THOC2: variants seen among roughly 807,000 people sequenced by gnomAD.
THOC2 encodes THO complex 2.
In THOC2, 10 loss-of-function variants were observed where a neutral mutation model predicts 128.4. The ratio of observed to expected loss-of-function variants is 0.08; its 90% CI spans 0.05 to 0.13. The LOEUF is 0.13. Ranked by LOEUF, THOC2 falls within the 10% of genes least tolerant of loss-of-function variation. THOC2 has a pLI of 1.00. For synonymous variants in THOC2, 393 were observed against 396.9 expected, an observed-to-expected ratio of 0.99 and a Z score of 0.12; for missense variants, 535 against 1,155.7, an observed-to-expected ratio of 0.46 and a Z score of 7.79.
Position 123,705,918 on chromosome X carries a change from G to A in THOC2, c.222+940C>T, listed in dbSNP as rs189279856. Among the ~76,000 whole-genome samples the A allele has an allele frequency of 4.8e-3, 527 of 110,898 alleles. 4 individuals carry two copies. Among genetic ancestry groups the A allele is most frequent in the African/African-American group, 0.016 (479 of 30,623 alleles). On this transcript the variant is annotated intron_variant, in intron 3 of 38. Transcript: ENST00000245838. Reference sequence around the variant, plus strand: ...ATGTATATATACACATATATACACAGACACAAGATAATTTTATTTATATAC... The same window carrying A: ...ATGTATATATACACATATATACACAAACACAAGATAATTTTATTTATATAC...
At chrX:123,640,883 C>T (rs956191382) in intron 15 of THOC2, among the ~76,000 whole-genome samples, 7 of 111,544 alleles carry the variant, frequency 6.3e-5, no homozygotes, top group Non-Finnish European at 1.1e-4. Flanking sequence ...TAGTAATAGT[C>T]TAATAATCAG....
At chrX:123,635,772 G>A (rs1488328570) in intron 19 of THOC2, among the ~76,000 whole-genome samples, 1 of 111,579 alleles carries the variant, frequency 9.0e-6, no homozygotes, top group Non-Finnish European at 1.9e-5. Flanking sequence ...TTTGTTATAC[G>A]AAGATATACA....
At chrX:123,724,799 G>T (rs1254040202) in intron 1 of THOC2, among the ~76,000 whole-genome samples, 1 of 112,103 alleles carries the variant, frequency 8.9e-6, no homozygotes, top group Non-Finnish European at 1.9e-5. Flanking sequence ...CAGCACTTTG[G>T]GAGGCCAAGG....
intron 4 of THOC2, 59 bp from the exon 5 acceptor site, chrX:123,697,810 G>T: frequency 2.0e-6 from 1 of 493,998 alleles, no homozygotes; most frequent in Non-Finnish European, 3.3e-6. Context: ...CAGCACTAAA[G>T]TAAGATACTT....
At chrX:123,711,647 G>A (rs766478226) in intron 2 of THOC2, among the ~76,000 whole-genome samples, 1 of 110,650 alleles carries the variant, frequency 9.0e-6, no homozygotes, top group East Asian at 2.9e-4. Context: ...GCCAGGCATG[G>A]TGTCACATGC....
chrX:123,645,590 G>A (rs1458454086), intron 12 of THOC2, among the ~76,000 whole-genome samples: 1 of 112,321 alleles, frequency 8.9e-6, no homozygotes, highest in East Asian at 2.8e-4. Flanking sequence ...AATTTTAAGT[G>A]TCAATTTTTA....
At chrX:123,646,346 AACAG>A (rs1238793641) in intron 12 of THOC2, among the ~76,000 whole-genome samples, 2 of 112,424 alleles carry the variant, frequency 1.8e-5, no homozygotes, top group African/African-American at 6.5e-5. Context: ...TGTGAATATA[AACAG>A]ACAGAGGGCT....
intron 7 of THOC2, among the ~76,000 whole-genome samples, chrX:123,695,008 C>T (rs1356402033): frequency 3.6e-5 from 4 of 112,114 alleles, no homozygotes; most frequent in African/African-American, 1.3e-4. Context: ...AAGCTACTTA[C>T]TTGTTGGTAA....
chrX:123,659,040 T>C (rs2048720699), intron 12 of THOC2, among the ~76,000 whole-genome samples: 1 of 112,315 alleles, frequency 8.9e-6, no homozygotes, highest in South Asian at 3.7e-4. Context: ...GGTGAGCATG[T>C]TAGTGCTCTA....
intron 1 of THOC2, among the ~76,000 whole-genome samples, chrX:123,714,595 AAGACTTGAATAATACTAC>A (rs2051328123): frequency 8.9e-6 from 1 of 111,835 alleles, no homozygotes; most frequent in Admixed American, 9.6e-5. Context: ...AAGGAAACAG[AAGACTTGAATAATACTAC>A]AGACCAAATG....
At chrX:123,700,136 A>G (rs1298082352) in intron 4 of THOC2, among the ~76,000 whole-genome samples, 1 of 110,281 alleles carries the variant, frequency 9.1e-6, no homozygotes, top group Non-Finnish European at 1.9e-5. Flanking sequence ...CCCCATCAGC[A>G]TATCAACTTA....
chrX:123,642,356 C>T (rs1481909727), intron 15 of THOC2, among the ~76,000 whole-genome samples: 9 of 105,795 alleles, frequency 8.5e-5, no homozygotes, highest in Non-Finnish European at 1.5e-4. Flanking sequence ...ACACAGGAGG[C>T]GGAGGTTGCA....
At chrX:123,640,647 C>T (rs2047874970) in intron 15 of THOC2, 25 bp from the exon 16 acceptor site, 12 of 950,076 alleles carry the variant, frequency 1.3e-5, no homozygotes, top group Non-Finnish European at 1.8e-5. Flanking sequence ...AAAGGTGGCA[C>T]GGATCATCTT....
At chrX:123,684,908 C>A (rs2049943225) in intron 8 of THOC2, among the ~76,000 whole-genome samples, 1 of 112,340 alleles carries the variant, frequency 8.9e-6, no homozygotes, top group Non-Finnish European at 1.9e-5. Flanking sequence ...CCTGACCTCA[C>A]ACTCCAAGAG....
chrX:123,622,327 C>T (rs968601355), intron 30 of THOC2, among the ~76,000 whole-genome samples: 13 of 112,017 alleles, frequency 1.2e-4, no homozygotes, highest in African/African-American at 4.2e-4. Flanking sequence ...CTTCAACCCA[C>T]AGCAATCCCT....
rs139472500 is a variant in THOC2, at chrX:123,650,675, G to T, written c.1387-5300C>A. On this transcript the variant is annotated intron_variant, in intron 12 of 38. Transcript: ENST00000245838. Reference sequence around the variant, plus strand: ...TGCAATCCTAGTCTCTGATAAAACAGACGTTAAAACAACAAAGATCAAAAA... The same window carrying T: ...TGCAATCCTAGTCTCTGATAAAACATACGTTAAAACAACAAAGATCAAAAA... Among the ~76,000 whole-genome samples the T allele has an allele frequency of 1.0e-3, 113 of 111,633 alleles. 2 individuals are homozygous for T. In the East Asian group the frequency reaches 0.027, roughly 27 times the overall value.
At chrX:123,697,579 A>G (rs1165074463) in intron 5 of THOC2, 102 bp downstream of exon 5, 1 of 471,712 alleles carries the variant, frequency 2.1e-6, no homozygotes, top group African/African-American at 2.5e-5. Context: ...TTATGAGAAA[A>G]GTCAACTGAA....
At chrX:123,730,348 T>C (rs2052184649) in intron 1 of THOC2, among the ~76,000 whole-genome samples, 1 of 109,899 alleles carries the variant, frequency 9.1e-6, no homozygotes, top group Middle Eastern at 4.3e-3. Context: ...TCGGCAAATT[T>C]TGTACTTTTA....
At chrX:123,716,786 T>C (rs928843408) in intron 1 of THOC2, among the ~76,000 whole-genome samples, 1 of 97,407 alleles carries the variant, frequency 1.0e-5, no homozygotes, top group Admixed American at 1.1e-4. Context: ...TAATCCCAGA[T>C]ACTTGGGAAG....
Sources: gnomAD v4.1 joint callset for allele counts (sites outside exome capture counted in the v4.1 genomes callset) on GRCh38, gnomAD v4.1.1 for gene constraint, MANE v1.5 for transcripts, NCBI Gene and HGNC (gene_info 2026-07-23, HGNC 2026-07-21) for gene names.